SYNE1: variants seen among roughly 807,000 people sequenced by gnomAD.
The protein encoded by SYNE1 is nesprin-1.
Under a neutral mutation model 1,111.0 loss-of-function variants are expected in SYNE1, and 616 were observed. That is an observed-to-expected ratio of 0.55 (90% CI 0.52 to 0.59). The LOEUF (loss-of-function observed/expected upper bound fraction) is 0.59, where lower values mean the gene tolerates loss of function less well. Ranked by LOEUF, SYNE1 falls within the 20% of genes least tolerant of loss-of-function variation. The pLI, the probability that SYNE1 is intolerant of heterozygous loss-of-function variation, is 0.00. For missense variants in SYNE1, 10,006 were observed against 10,417.0 expected (o/e 0.96, Z 1.72); for synonymous variants, 3,855 against 3,825.8 (o/e 1.01, Z -0.28).
At chr6:152,294,549 T>C (rs1376975667) in intron 93 of SYNE1, among the ~76,000 whole-genome samples, 1 of 152,208 alleles carries the variant, frequency 6.6e-6, no homozygotes, top group Non-Finnish European at 1.5e-5. Context: ...CTACTTGACT[T>C]AAATAAAATT....
intron 63 of SYNE1, chr6:152,363,812 G>A (rs184525591): frequency 7.9e-5 from 36 of 453,382 alleles, no homozygotes; most frequent in Admixed American, 7.1e-4. Flanking sequence ...TAATTCATAT[G>A]AGTTTGTCTC....
At chr6:152,575,786 T>C (rs1225920829) in intron 3 of SYNE1, among the ~76,000 whole-genome samples, 1 of 152,226 alleles carries the variant, frequency 6.6e-6, no homozygotes, top group Non-Finnish European at 1.5e-5. Flanking sequence ...GCTTGAAAGC[T>C]AAATGAACAA....
intron 38 of SYNE1, 73 bp from the exon 39 acceptor site, chr6:152,425,620 T>C: frequency 6.3e-7 from 1 of 1,577,326 alleles, no homozygotes; most frequent in Non-Finnish European, 8.7e-7. Flanking sequence ...CACAGGCGGC[T>C]GTTGTCCAAA....
intron 56 of SYNE1, among the ~76,000 whole-genome samples, 194 bp from the exon 57 acceptor site, chr6:152,377,106 T>A (rs923911726): frequency 2.6e-5 from 4 of 152,176 alleles, no homozygotes; most frequent in Admixed American, 2.6e-4. Context: ...TTGTCCCTTT[T>A]TTCTTGCCAT....
At chr6:152,243,518 G>C (rs1482455319) in intron 106 of SYNE1, among the ~76,000 whole-genome samples, 2 of 152,122 alleles carry the variant, frequency 1.3e-5, no homozygotes, top group African/African-American at 2.4e-5. Context: ...CAATCTGGAA[G>C]AGTTCAATTT....
At chr6:152,473,554 G>C (rs1205641939) in intron 14 of SYNE1, among the ~76,000 whole-genome samples, 2 of 152,144 alleles carry the variant, frequency 1.3e-5, no homozygotes, top group Non-Finnish European at 2.9e-5. Flanking sequence ...GACCTGCTTT[G>C]ACTCTGAAGG....
At chr6:152,385,919 G>C in intron 54 of SYNE1, 81 bp from the exon 55 acceptor site, 1 of 1,344,728 alleles carries the variant, frequency 7.4e-7, no homozygotes, top group Non-Finnish European at 1.1e-6. Flanking sequence ...CCTGATAGAG[G>C]TCTCTTAACA....
chr6:152,367,146 TG>T (rs770146437), intron 62 of SYNE1, 71 bp downstream of exon 62: 10 of 1,572,878 alleles, frequency 6.4e-6, no homozygotes, highest in Middle Eastern at 1.7e-4. Context: ...TCACCCCAGG[TG>T]GATGGAGACG....
At chr6:152,465,521 T>C (rs542803794) in intron 17 of SYNE1, 61 bp from the exon 18 acceptor site, 90 of 1,486,976 alleles carry the variant, frequency 6.1e-5, no homozygotes, top group Non-Finnish European at 7.9e-5. Flanking sequence ...TACACCTTTT[T>C]TTCTATGGTC....
chr6:152,351,692 T>C (rs560230322), intron 70 of SYNE1, among the ~76,000 whole-genome samples: 3 of 152,314 alleles, frequency 2.0e-5, no homozygotes, highest in Admixed American at 1.3e-4. Flanking sequence ...GGGAAAGATA[T>C]GGGATCCTGA....
chr6:152,221,318 G>A (rs1588124715), intron 118 of SYNE1, 108 bp downstream of exon 118: 1 of 1,375,574 alleles, frequency 7.3e-7, no homozygotes. Context: ...GAAGTTTAAA[G>A]GAATAGAATC....
At chr6:152,276,376 T>C (rs2153702144) in intron 98 of SYNE1, among the ~76,000 whole-genome samples, 1 of 152,300 alleles carries the variant, frequency 6.6e-6, no homozygotes, top group East Asian at 1.9e-4. Context: ...GATTCTTTTA[T>C]GCTTTTCAAT....
chr6:152,262,305 T>C, intron 100 of SYNE1, 117 bp from the exon 101 acceptor site: 1 of 916,868 alleles, frequency 1.1e-6, no homozygotes, highest in Non-Finnish European at 1.7e-6. Context: ...CCTTAGTTAT[T>C]AGCTTACACT....
At chr6:152,530,682 C>T (rs561928749) in intron 4 of SYNE1, among the ~76,000 whole-genome samples, 10 of 149,974 alleles carry the variant, frequency 6.7e-5, no homozygotes, top group Admixed American at 5.3e-4. Flanking sequence ...AGTGCGGTGG[C>T]ACAATCTCGG....
At chr6:152,369,373 A>G in intron 60 of SYNE1, 98 bp downstream of exon 60, 1 of 1,565,996 alleles carries the variant, frequency 6.4e-7, no homozygotes, top group East Asian at 2.2e-5. Flanking sequence ...TCACGGCAGC[A>G]CAGTCTAACT....
In SYNE1 at chr6:152,369,713, T is replaced by C. The variant is rs2154086150; in HGVS notation, c.9508-99A>G. ...CAAAGTCCACCCAGGCTGGGCACAG[T>C]GGCTCACGCCTGTAATCCCAGCACT... On this transcript the variant is annotated intron_variant, in intron 59 of 145. Transcript: ENST00000367255. 6 of 1,433,278 alleles carry C rather than the reference T, an allele frequency of 4.2e-6. No individual in the cohort carries two copies. The South Asian group carries it at 4.8e-5, about 11-fold the overall frequency. 88.8% of individuals were successfully genotyped at this position (1,433,278 alleles called of 1,614,324 possible).
chr6:152,413,283 C>T, intron 42 of SYNE1, 69 bp downstream of exon 42: 6 of 1,510,632 alleles, frequency 4.0e-6, no homozygotes, highest in Non-Finnish European at 5.5e-6. Flanking sequence ...CAACACAAAA[C>T]AGGCAATGTC....
rs767849221 is a variant in SYNE1 at position 152,268,166 on chromosome 6, C to G, written c.18706-1G>C. 1 of 1,612,716 alleles carries G rather than the reference C, an allele frequency of 6.2e-7. No individual in the cohort carries two copies. Among genetic ancestry groups the G allele is most frequent in the African/African-American group, 1.3e-5 (1 of 75,026 alleles). On this transcript the variant is annotated splice_acceptor_variant, in intron 99 of 145. Transcript: ENST00000367255. LOFTEE classifies it high-confidence loss of function. The stretch of plus-strand genomic sequence containing the variant: ...GCTCGGCTAATTCCTGTTCTAACTC[C>G]TGCTCAAGGGAAAGGACAAACGCAA...
intron 8 of SYNE1, among the ~76,000 whole-genome samples, chr6:152,507,741 T>C (rs184173787): frequency 2.0e-3 from 312 of 152,284 alleles, no homozygotes; most frequent in Non-Finnish European, 3.3e-3. Context: ...TGTCAGAAAA[T>C]ATAATTGTTC....
Sources: allele counts gnomAD v4.1 joint callset (sites outside exome capture counted in the v4.1 genomes callset), GRCh38; gene constraint gnomAD v4.1.1; transcripts MANE v1.5; gene names NCBI Gene and HGNC (gene_info 2026-07-23, HGNC 2026-07-21).